Variants in MICAL1 observed in about 807,000 individuals in gnomAD.
The protein encoded by MICAL1 is [F-actin]-monooxygenase MICAL1.
In MICAL1, 95 loss-of-function variants were observed where a neutral mutation model predicts 131.8. The ratio of observed to expected loss-of-function variants is 0.72; its 90% CI spans 0.61 to 0.86. The LOEUF is 0.86. Among genes scored for constraint, MICAL1 ranks in the 40% least tolerant of loss-of-function variants. The pLI is 0.00. For missense variants in MICAL1, 1,292 were observed against 1,380.6 expected (o/e 0.94, Z 1.02); for synonymous variants, 546 against 554.2 (o/e 0.99, Z 0.21).
At position 109,455,722 on chromosome 6, in the gene MICAL1, C is replaced by T. The variant is rs1215527100; in HGVS notation, c.-47G>A. On this transcript the variant is annotated 5_prime_UTR_variant, in exon 1 of 25. Transcript: ENST00000358807. The surrounding 1 kb of genome is among the most constrained non-coding windows in gnomAD (Gnocchi z 4.7). ...CCGGCTCCGCTGGACGACTTACCGG[C>T]GGCTCCGAAGCCGGGAGGGGCCGCT... The T allele has an allele frequency of 2.0e-6, 2 of 977,476 alleles. No individual in the cohort carries two copies. The highest frequency in any genetic ancestry group is 4.8e-5 in the South Asian group (1 of 20,942). 60.6% of individuals were successfully genotyped at this position (977,476 alleles called of 1,614,324 possible).
chr6:109,447,562 G>T (rs1582640836), intron 15 of MICAL1, 119 bp downstream of exon 15: 10 of 1,521,334 alleles, frequency 6.6e-6, no homozygotes, highest in South Asian at 2.3e-5. Flanking sequence ...GAGGCTGGAT[G>T]GGGGGGTTAC....
Position 109,451,814 on chromosome 6 carries a change from A to C in MICAL1, c.833-114T>G, listed in dbSNP as rs1775554781. The stretch of plus-strand genomic sequence containing the variant: ...TGGGATCCCAGCTTAGGCTGCGGTG[A>C]GTGCTCCACGCATAGAACCCCACGA... On this transcript the variant is annotated intron_variant, in intron 6 of 24. Transcript: ENST00000358807. 7 of 1,506,436 alleles carry C rather than the reference A, an allele frequency of 4.6e-6. No individual in the cohort carries two copies. The South Asian group carries it at 9.0e-5, about 19-fold the overall frequency. The allele number at this position is 1,506,436 out of a possible 1,614,324, so 93.3% of individuals were successfully genotyped here. A position where few individuals can be genotyped will look rare whatever the true frequency, so the allele number is the denominator to read the frequency against.
rs749562067 is a variant in MICAL1, at chr6:109,444,960, G to T, written c.2917C>A (p.Gln973Lys). Reference protein sequence around the residue: ...PEQQKKLWVGQLLQLVDKKNS... With the variant: ...PEQQKKLWVGKLLQLVDKKNS... ...TTCTTGTCAACGAGCTGTAGCAGCT[G>T]TCCTACCCATAGTTTCTTTTGCTGT... The change falls in exon 23 of 25, where the codon CAG becomes AAG. Residue 973 changes from glutamine to lysine, a missense_variant. Transcript: ENST00000358807. 4.3e-6 allele frequency: 7 copies of T among 1,614,072 alleles called. No homozygotes were observed. Among genetic ancestry groups the T allele is most frequent in the Non-Finnish European group, 5.9e-6 (7 of 1,180,044 alleles).
chr6:109,457,293 T>C (rs1345183498), upstream of MICAL1, among the ~76,000 whole-genome samples: 7 of 152,326 alleles, frequency 4.6e-5, no homozygotes, highest in Admixed American at 4.6e-4. Context: ...TGACACGTCA[T>C]TTGGCTTGAA....
chr6:109,451,559 G>T (rs781165844), intron 7 of MICAL1, 41 bp downstream of exon 7: 3 of 1,610,642 alleles, frequency 1.9e-6, no homozygotes, highest in Non-Finnish European at 2.5e-6. Flanking sequence ...TGCCTCCCGG[G>T]GCTCACCACC....
Position 109,453,969 on chromosome 6 carries a change from G to T in MICAL1, c.228C>A (p.Tyr76Ter). The T allele has an allele frequency of 6.2e-7, 1 of 1,614,000 alleles. No homozygotes were observed. Residue 76 changes from tyrosine (Y) to a stop codon, truncating the protein, a stop_gained, in exon 2 of 25, where the codon TAC becomes TAA. Transcript: ENST00000358807. LOFTEE classifies it high-confidence loss of function. ...KLDKRAGQPV[Y>*]QQGRACTSTK... The stretch of plus-strand genomic sequence containing the variant: ...TGCTGGTGCAGGCCCGGCCCTGCTG[G>T]TAGACAGGCTGGCCTGCTCGCTTGT...
Position 109,453,651 on chromosome 6 carries a change from G to A in MICAL1, c.453C>T (p.Thr151=), listed in dbSNP as rs146291399. The change falls in exon 3 of 25, where the codon ACC becomes ACT. Residue 151 remains threonine (T), a synonymous_variant. Coordinates refer to ENST00000358807, the MANE Select transcript of MICAL1 (RefSeq NM_022765.4). ...KKFYGRFCTG[T]LDHISIRQLQ... ...CGTGGTGCTCACTGATGTGGTCCAG[G>A]GTGCCGGTGCAGAAGCGCCCGTAGA... 13 of 1,604,702 alleles carry A rather than the reference G, an allele frequency of 8.1e-6. No individual in the cohort carries two copies. In the African/African-American group the frequency reaches 1.1e-4, roughly 13 times the overall value.
At chr6:109,446,580 C>A (rs1775230519) in intron 18 of MICAL1, 116 bp downstream of exon 18, 1 of 1,362,164 alleles carries the variant, frequency 7.3e-7, no homozygotes, top group Non-Finnish European at 1.0e-6. Flanking sequence ...CCTGCCTTCA[C>A]AGAGCTTACA....
At chr6:109,447,806 AGGATCTCCACT>A in intron 14 of MICAL1, 58 bp downstream of exon 14, 1 of 1,610,392 alleles carries the variant, frequency 6.2e-7, no homozygotes, top group Non-Finnish European at 8.5e-7. Context: ...CCATCACCCC[AGGATCTCCACT>A]GGGTACCCCC....
At chr6:109,458,443 A>G (rs1168103684), upstream of MICAL1, among the ~76,000 whole-genome samples, 1 of 152,098 alleles carries the variant, frequency 6.6e-6, no homozygotes, top group Non-Finnish European at 1.5e-5. Context: ...GAAAAATACA[A>G]AATTAGCCAG....
Position 109,445,528 on chromosome 6 carries a change from G to A in MICAL1, c.2675C>T (p.Ala892Val), listed in dbSNP as rs771733625. ...DVPLDSDVEQ[A>V]LQTFAKTSGT... Reference sequence around the variant, plus strand: ...TGAGGTCTTGGCAAAGGTCTGCAGGGCCTATAGGAGGGTCAGGCCAGTCAG... The same window carrying A: ...TGAGGTCTTGGCAAAGGTCTGCAGGACCTATAGGAGGGTCAGGCCAGTCAG... Residue 892 changes from alanine to valine, a missense_variant and splice_region_variant, in exon 21 of 25, where the codon GCC becomes GTC. Coordinates refer to ENST00000358807, the MANE Select transcript of MICAL1 (RefSeq NM_022765.4). 17 of 1,613,922 alleles carry A rather than the reference G, an allele frequency of 1.1e-5. No individual in the cohort carries two copies. Among genetic ancestry groups the A allele is most frequent in the Middle Eastern group, 3.3e-4 (2 of 6,084 alleles).
upstream of MICAL1, among the ~76,000 whole-genome samples, chr6:109,457,661 G>A (rs1775789679): frequency 6.6e-6 from 1 of 152,120 alleles, no homozygotes; most frequent in South Asian, 2.1e-4. Flanking sequence ...TACAACTACA[G>A]CGGCTACAAC....
chr6:109,459,981 T>G (rs555497217), upstream of MICAL1, among the ~76,000 whole-genome samples: 1 of 152,298 alleles, frequency 6.6e-6, no homozygotes, highest in East Asian at 1.9e-4. Context: ...TGAATTATAT[T>G]TAAAGTGACA....
chr6:109,454,061 G>A lies in MICAL1; in HGVS notation c.136C>T (p.Pro46Ser). The A allele has an allele frequency of 6.2e-7, 1 of 1,614,086 alleles. No individual in the cohort carries two copies. Among genetic ancestry groups the A allele is most frequent in the Admixed American group, 1.7e-5 (1 of 60,030 alleles). The change falls in exon 2 of 25, where the codon CCC becomes TCC. Residue 46 changes from proline (P) to serine (S), a missense_variant. Pro to Ser is a moderately conservative substitution (Grantham distance 74). Coordinates refer to ENST00000358807, the MANE Select transcript of MICAL1 (RefSeq NM_022765.4). ...ALGLEPGGGL[P>S]QYHKIKDQLN... ...TGGTCCTTGATCTTGTGGTACTGGGGCAGCCCCCCACCGGGTTCCAGCCCC... is the reference window on the plus strand; with the variant it reads ...TGGTCCTTGATCTTGTGGTACTGGGACAGCCCCCCACCGGGTTCCAGCCCC...
chr6:109,447,580 G>C, intron 15 of MICAL1, 101 bp downstream of exon 15: 1 of 1,573,228 alleles, frequency 6.4e-7, no homozygotes, highest in South Asian at 1.1e-5. Context: ...TACAGGACCT[G>C]GGGTGGGGAA....
At position 109,447,667 on chromosome 6, in the gene MICAL1, CT is replaced by C. The variant is rs757396587; in HGVS notation, c.1986+13del. 26 of 1,613,902 alleles carry C rather than the reference CT, an allele frequency of 1.6e-5. No homozygotes were observed. In the African/African-American group the frequency reaches 2.1e-4, roughly 13 times the overall value. Reference sequence around the variant, plus strand: ...TGTGGGGTAGGAGACCGACCCGCCCCTGCCTGCATTCACCTCCAAGCGCAGC... The same window carrying C: ...TGTGGGGTAGGAGACCGACCCGCCCCGCCTGCATTCACCTCCAAGCGCAGC... On this transcript the variant is annotated intron_variant, in intron 15 of 24. Coordinates refer to ENST00000358807, the MANE Select transcript of MICAL1 (RefSeq NM_022765.4).
intron 1 of MICAL1, among the ~76,000 whole-genome samples, chr6:109,461,184 C>T (rs1439875233): frequency 6.8e-6 from 1 of 146,314 alleles, no homozygotes; most frequent in Non-Finnish European, 1.5e-5. Flanking sequence ...CAATTCCCAT[C>T]TATGAGTGAG....
At position 109,447,924 on chromosome 6, in the gene MICAL1, A is replaced by G. The variant is rs748012645; in HGVS notation, c.1895T>C (p.Val632Ala). 6.2e-7 allele frequency: 1 copy of G among 1,613,014 alleles called. No individual in the cohort carries two copies. Among genetic ancestry groups the G allele is most frequent in the African/African-American group, 1.3e-5 (1 of 74,890 alleles). The change falls in exon 14 of 25, where the codon GTA becomes GCA. Residue 632 changes from valine to alanine, a missense_variant. By Grantham distance (64) the Val-to-Ala change is moderately conservative. Coordinates refer to ENST00000358807, the MANE Select transcript of MICAL1 (RefSeq NM_022765.4). ...CCTCTGAAGTTTACTAAGGAATAAT[A>G]CAGCACTGGAGGTCCCTGGGGAGGC... The part of the protein sequence containing the change: ...SQASPGTSSA[V>A]LFLSKLQRTL...
intron 1 of MICAL1, among the ~76,000 whole-genome samples, chr6:109,461,067 T>C (rs1437392102): frequency 2.0e-5 from 3 of 152,098 alleles, no homozygotes; most frequent in Non-Finnish European, 4.4e-5. Flanking sequence ...CAACTTGTCA[T>C]TTACATTAGG....
Sources: allele counts gnomAD v4.1 joint callset (sites outside exome capture counted in the v4.1 genomes callset), GRCh38; gene constraint gnomAD v4.1.1; non-coding constraint Gnocchi (gnomAD v3.1); transcripts MANE v1.5; gene names NCBI Gene and HGNC (gene_info 2026-07-23, HGNC 2026-07-21).